Variants in PTPRR observed in about 807,000 individuals in gnomAD.
PTPRR encodes receptor-type tyrosine-protein phosphatase R.
PTPRR carries 38 observed loss-of-function variants against 77.2 expected under a neutral mutation model. The ratio of observed to expected loss-of-function variants is 0.49; its 90% CI spans 0.38 to 0.65. The LOEUF (loss-of-function observed/expected upper bound fraction) is 0.65. Ranked by LOEUF, PTPRR falls within the 30% of genes least tolerant of loss-of-function variation. The probability of loss-of-function intolerance (pLI) is 0.00; values close to 1 mark genes in which losing one functional copy is unlikely to be tolerated. For missense variants in PTPRR, 744 were observed against 799.2 expected, an observed-to-expected ratio of 0.93 and a Z score of 0.83; for synonymous variants, 299 against 283.1, an observed-to-expected ratio of 1.06 and a Z score of -0.57.
At chr12:70,674,543 A>ATTT (rs1056193008) in intron 10 of PTPRR, among the ~76,000 whole-genome samples, 1 of 152,074 alleles carries the variant, frequency 6.6e-6, no homozygotes, top group Non-Finnish European at 1.5e-5. Flanking sequence ...ATCAAAGTGT[A>ATTT]TTTTTTAATC....
intron 1 of PTPRR, among the ~76,000 whole-genome samples, chr12:70,910,132 A>G (rs1893679564): frequency 6.6e-6 from 1 of 152,080 alleles, no homozygotes; most frequent in Non-Finnish European, 1.5e-5. Context: ...TATTGCAGCT[A>G]TAGGAAATAC....
chr12:70,769,002 A>G (rs1890900786), intron 2 of PTPRR, among the ~76,000 whole-genome samples: 1 of 148,374 alleles, frequency 6.7e-6, no homozygotes, highest in Admixed American at 6.7e-5. Flanking sequence ...TATTGATGGG[A>G]CATATCTCAA....
chr12:70,836,707 C>T (rs1446098016), intron 2 of PTPRR, among the ~76,000 whole-genome samples: 2 of 151,882 alleles, frequency 1.3e-5, no homozygotes, highest in Non-Finnish European at 1.5e-5. Flanking sequence ...TCACTCCTCA[C>T]TCCCACTCCC....
At chr12:70,673,033 A>G in intron 10 of PTPRR, 1 of 472,548 alleles carries the variant, frequency 2.1e-6, no homozygotes, top group South Asian at 3.2e-5. Context: ...GGCCAAAGCA[A>G]AAAAAAAAAA....
chr12:70,669,472 C>G (rs1017152650), intron 10 of PTPRR, among the ~76,000 whole-genome samples: 6 of 149,092 alleles, frequency 4.0e-5, no homozygotes, highest in African/African-American at 1.5e-4. Flanking sequence ...TATATACACA[C>G]AAGCTATGTG....
chr12:70,686,644 T>G (rs145043426), intron 8 of PTPRR, among the ~76,000 whole-genome samples: 1 of 152,126 alleles, frequency 6.6e-6, no homozygotes. Flanking sequence ...AGGAAGCTAA[T>G]GGCCATATTT....
chr12:70,734,678 G>A (rs1938645873), intron 6 of PTPRR, among the ~76,000 whole-genome samples: 1 of 152,144 alleles, frequency 6.6e-6, no homozygotes, highest in Non-Finnish European at 1.5e-5. Context: ...GCAAGGAAAG[G>A]AAAGGAGCAA....
chr12:70,820,352 T>C (rs1891983532), intron 2 of PTPRR, among the ~76,000 whole-genome samples: 2 of 152,126 alleles, frequency 1.3e-5, no homozygotes, highest in African/African-American at 4.8e-5. Context: ...TTTGGTGAGA[T>C]GGAGTCTCAC....
At chr12:70,753,811 T>A (rs1253477938) in intron 5 of PTPRR, among the ~76,000 whole-genome samples, 2 of 152,186 alleles carry the variant, frequency 1.3e-5, no homozygotes, top group East Asian at 3.8e-4. Context: ...TATCTCTTTT[T>A]AAATTTTTTC....
At chr12:70,867,282 T>A (rs917197613) in intron 2 of PTPRR, among the ~76,000 whole-genome samples, 1 of 152,024 alleles carries the variant, frequency 6.6e-6, no homozygotes, top group Admixed American at 6.6e-5. Context: ...ATTGTATATC[T>A]AGAAAACCCC....
intron 6 of PTPRR, among the ~76,000 whole-genome samples, chr12:70,726,605 G>A (rs894428212): frequency 6.8e-6 from 1 of 147,062 alleles, no homozygotes; most frequent in Non-Finnish European, 1.5e-5. Flanking sequence ...TTTTGAGACA[G>A]AGTCTCACTC....
At chr12:70,699,406 A>G (rs1888342183) in intron 7 of PTPRR, among the ~76,000 whole-genome samples, 1 of 152,136 alleles carries the variant, frequency 6.6e-6, no homozygotes, top group African/African-American at 2.4e-5. Context: ...TATACTATGA[A>G]TTTGAGGCTT....
At chr12:70,789,225 T>G (rs918171446) in intron 2 of PTPRR, among the ~76,000 whole-genome samples, 2 of 152,120 alleles carry the variant, frequency 1.3e-5, no homozygotes, top group East Asian at 3.9e-4. Context: ...CAAACCTGCA[T>G]GTTGTGCACA....
intron 2 of PTPRR, among the ~76,000 whole-genome samples, chr12:70,813,702 T>C (rs968696248): frequency 6.6e-6 from 1 of 152,194 alleles, no homozygotes; most frequent in Admixed American, 6.5e-5. Flanking sequence ...GCACCTCAGC[T>C]TCCTGCCTGA....
chr12:70,813,765 A>G (rs1314812907), intron 2 of PTPRR, among the ~76,000 whole-genome samples: 2 of 152,192 alleles, frequency 1.3e-5, no homozygotes, highest in Admixed American at 6.5e-5. Context: ...CAAGGAGGCT[A>G]GAATTCTCAG....
At chr12:70,744,348 G>C (rs542365072) in intron 6 of PTPRR, among the ~76,000 whole-genome samples, 1 of 152,244 alleles carries the variant, frequency 6.6e-6, no homozygotes, top group South Asian at 2.1e-4. Context: ...AAGCAATTTA[G>C]TGATATCTAC....
At chr12:70,770,490 C>T (rs940288712) in intron 2 of PTPRR, among the ~76,000 whole-genome samples, 2 of 152,060 alleles carry the variant, frequency 1.3e-5, no homozygotes, top group Non-Finnish European at 2.9e-5. Context: ...GAATGGCAAT[C>T]ATTAAAAAGT....
At chr12:70,749,440 A>G (rs1474998653) in intron 5 of PTPRR, among the ~76,000 whole-genome samples, 1 of 152,224 alleles carries the variant, frequency 6.6e-6, no homozygotes, top group Admixed American at 6.5e-5. Context: ...ATAAGTGTGC[A>G]ATAAATGGAA....
At chr12:70,875,386 A>T (rs922016950) in intron 2 of PTPRR, among the ~76,000 whole-genome samples, 1 of 152,204 alleles carries the variant, frequency 6.6e-6, no homozygotes, top group African/African-American at 2.4e-5. Flanking sequence ...ATACATATAC[A>T]TATTGGGTTC....
Sources: gnomAD v4.1 joint callset for allele counts (sites outside exome capture counted in the v4.1 genomes callset) on GRCh38, gnomAD v4.1.1 for gene constraint, MANE v1.5 for transcripts, NCBI Gene and HGNC (gene_info 2026-07-23, HGNC 2026-07-21) for gene names.